The following RCC2 variants were observed in gnomAD, a reference collection of about 807,000 sequenced individuals.
The protein encoded by RCC2 is protein RCC2.
RCC2 carries 19 observed loss-of-function variants against 64.1 expected under a neutral mutation model. That is an observed-to-expected ratio of 0.30 (90% CI 0.21 to 0.44). The LOEUF is 0.44. Among genes scored for constraint, RCC2 ranks in the 20% least tolerant of loss-of-function variants. The probability of loss-of-function intolerance (pLI) is 1.00; values close to 1 mark genes in which losing one functional copy is unlikely to be tolerated. For missense variants in RCC2, 508 were observed against 710.4 expected (o/e 0.72, Z 3.24); for synonymous variants, 325 against 279.6 (o/e 1.16, Z -1.62).
rs749545470 is a variant in RCC2 at position 17,438,482 on chromosome 1, C to T, written c.33G>A (p.Trp11Ter). The T allele has an allele frequency of 7.4e-7, 1 of 1,342,646 alleles. No individual in the cohort carries two copies. Among genetic ancestry groups the T allele is most frequent in the Non-Finnish European group, 9.5e-7 (1 of 1,050,502 alleles). The allele number at this position is 1,342,646 out of a possible 1,614,324, so 83.2% of individuals were successfully genotyped here. A position where few individuals can be genotyped will look rare whatever the true frequency, so the allele number is the denominator to read the frequency against. ...TGCCGTTGCCCGAGCTCGGCTCCTC[C>T]CAGGCCGCCGCCGCCGCCTTCTTCC... MPRKKAAAAA[W>*]EEPSSGNGTA... Residue 11 changes from tryptophan (W) to a stop codon, truncating the protein, a stop_gained, in exon 2 of 13, where the codon TGG becomes TGA. Coordinates refer to ENST00000375436, the MANE Select transcript of RCC2 (RefSeq NM_018715.4). LOFTEE classifies it high-confidence loss of function.
At chr1:17,415,537 C>T (rs2075473381) in intron 8 of RCC2, among the ~76,000 whole-genome samples, 2 of 151,088 alleles carry the variant, frequency 1.3e-5, no homozygotes, top group Admixed American at 1.3e-4. Flanking sequence ...ATGGTGAAAC[C>T]CCATCTCTAC....
At chr1:17,437,552 C>T (rs2075747832) in intron 2 of RCC2, among the ~76,000 whole-genome samples, 1 of 152,110 alleles carries the variant, frequency 6.6e-6, no homozygotes, top group Non-Finnish European at 1.5e-5. Flanking sequence ...TGCTTCTTCA[C>T]TTGGGGGGGC....
intron 6 of RCC2, among the ~76,000 whole-genome samples, 182 bp downstream of exon 6, chr1:17,422,021 G>A (rs1343706200): frequency 4.0e-5 from 6 of 151,558 alleles, no homozygotes; most frequent in Non-Finnish European, 7.4e-5. Flanking sequence ...GTGAAACTCC[G>A]TTCTCAAAAA....
At chr1:17,422,604 A>T in intron 5 of RCC2, 101 bp downstream of exon 5, 1 of 1,459,548 alleles carries the variant, frequency 6.9e-7, no homozygotes, top group Non-Finnish European at 9.4e-7. Flanking sequence ...ATCCTGACCA[A>T]GAGTCACAAG....
In RCC2 at chr1:17,438,955, C is replaced by T. The variant is rs1356060877; in HGVS notation, c.-8-433G>A. Among the ~76,000 whole-genome samples the T allele has an allele frequency of 3.3e-5, 5 of 152,332 alleles. No homozygotes were observed. In the East Asian group the frequency reaches 9.7e-4, roughly 29 times the overall value. ...GGGTGGTAAGGGAGCCCCTGCTCCC[C>T]GGCTACCCCACCTGCTGCTTTTGTC... On this transcript the variant is annotated intron_variant, in intron 1 of 12. Transcript: ENST00000375436.
intron 8 of RCC2, among the ~76,000 whole-genome samples, chr1:17,414,896 A>G (rs1055815010): frequency 2.6e-5 from 4 of 152,184 alleles, no homozygotes; most frequent in African/African-American, 9.6e-5. Context: ...CTCTGATTAC[A>G]AACATGAACC....
At chr1:17,411,841 C>T (rs565006727) in intron 11 of RCC2, among the ~76,000 whole-genome samples, 2 of 152,306 alleles carry the variant, frequency 1.3e-5, no homozygotes, top group South Asian at 2.1e-4. Flanking sequence ...CCTACCATAA[C>T]CCAACTGTGG....
intron 7 of RCC2, among the ~76,000 whole-genome samples, chr1:17,418,811 C>T (rs1217127965): frequency 6.6e-6 from 1 of 152,204 alleles, no homozygotes; most frequent in Non-Finnish European, 1.5e-5. Context: ...TGCACTCTTC[C>T]GGACAAGGTT....
chr1:17,429,130 G>A lies in RCC2; in HGVS notation c.355C>T (p.Arg119Ter). The change falls in exon 3 of 13, where the codon CGA becomes TGA. Residue 119 changes from arginine to a stop codon, truncating the protein, a stop_gained. Coordinates refer to ENST00000375436, the MANE Select transcript of RCC2 (RefSeq NM_018715.4). LOFTEE classifies it high-confidence loss of function. ...FGATNWDLIG[R>*]KEVPKQQAAY... ...CCTTGCTGTTTAGGCACTTCTTTTCGACCAATCAAGTCCCAGTTGGTTGCC... is the reference window on the plus strand; with the variant it reads ...CCTTGCTGTTTAGGCACTTCTTTTCAACCAATCAAGTCCCAGTTGGTTGCC... The A allele has an allele frequency of 6.2e-7, 1 of 1,614,012 alleles. No homozygotes were observed. Among genetic ancestry groups the A allele is most frequent in the Non-Finnish European group, 8.5e-7 (1 of 1,179,948 alleles).
At chr1:17,424,114 G>A (rs1427694906) in intron 4 of RCC2, among the ~76,000 whole-genome samples, 1 of 152,210 alleles carries the variant, frequency 6.6e-6, no homozygotes, top group African/African-American at 2.4e-5. Context: ...AGGACAGGGT[G>A]AGCGGGCCAC....
Position 17,438,191 on chromosome 1 carries a change from C to T in RCC2, c.285+39G>A, listed in dbSNP as rs760365543. The T allele has an allele frequency of 8.6e-6, 10 of 1,168,094 alleles. No homozygotes were observed. In the East Asian group the frequency reaches 2.9e-4, roughly 34 times the overall value. 72.4% of individuals were successfully genotyped at this position (1,168,094 alleles called of 1,614,324 possible). Reference sequence around the variant, plus strand: ...GCCGCGTCGCTGAGCCCGCCGGCCCCGGCCCTGCGCCCACCCGTCTACCCT... The same window carrying T: ...GCCGCGTCGCTGAGCCCGCCGGCCCTGGCCCTGCGCCCACCCGTCTACCCT... On this transcript the variant is annotated intron_variant, in intron 2 of 12. Coordinates refer to ENST00000375436, the MANE Select transcript of RCC2 (RefSeq NM_018715.4).
At chr1:17,423,507 G>T (rs2075579217) in intron 4 of RCC2, among the ~76,000 whole-genome samples, 1 of 152,224 alleles carries the variant, frequency 6.6e-6, no homozygotes, top group South Asian at 2.1e-4. Flanking sequence ...CTGTATCTGT[G>T]AATTCCAGCG....
intron 7 of RCC2, among the ~76,000 whole-genome samples, chr1:17,417,231 G>A (rs1450485626): frequency 6.6e-6 from 1 of 152,222 alleles, no homozygotes; most frequent in Non-Finnish European, 1.5e-5. Flanking sequence ...GGTTCGCAAA[G>A]ACCCAGCTCA....
intron 10 of RCC2, 142 bp from the exon 11 acceptor site, chr1:17,412,336 C>T (rs1346602139): frequency 1.5e-6 from 1 of 679,910 alleles, no homozygotes; most frequent in Non-Finnish European, 2.5e-6. Context: ...ACAGGGCCAA[C>T]AGGTTTCTCC....
chr1:17,413,251 G>A, intron 9 of RCC2, 73 bp from the exon 10 acceptor site: 2 of 1,108,914 alleles, frequency 1.8e-6, no homozygotes, highest in East Asian at 5.0e-5. Context: ...GTATTATCAG[G>A]GTGAAAAGAG....
At chr1:17,430,878 A>G (rs888172774) in intron 2 of RCC2, among the ~76,000 whole-genome samples, 4 of 151,872 alleles carry the variant, frequency 2.6e-5, no homozygotes, top group Non-Finnish European at 4.4e-5. Context: ...ACAGACACTC[A>G]GCTAATTTTG....
rs1246817189 is a variant in RCC2, at chr1:17,438,402, C to G, written c.113G>C (p.Arg38Pro). Residue 38 changes from arginine to proline, a missense_variant, in exon 2 of 13, where the codon CGG becomes CCG. Physicochemically the swap from Arg to Pro is moderately radical, Grantham distance 103 (BLOSUM62 -2). Around this residue, in one of 4 missense-constraint regions of RCC2, gnomAD observed 195 missense variants for 158.3 expected, o/e 1.23. Coordinates refer to ENST00000375436, the MANE Select transcript of RCC2 (RefSeq NM_018715.4). The part of the protein sequence containing the change: ...RGGPAGRKRE[R>P]PERCSSSSGG... ...GCTGCTGCTACTGCAGCGCTCGGGC[C>G]GCTCGCGCTTCCTGCCCGCCGGGCC... 1.8e-5 allele frequency: 23 copies of G among 1,264,464 alleles called. No individual in the cohort carries two copies. Among genetic ancestry groups the G allele is most frequent in the African/African-American group, 3.1e-5 (2 of 63,994 alleles). The allele number at this position is 1,264,464 out of a possible 1,614,324, so 78.3% of individuals were successfully genotyped here. A position where few individuals can be genotyped will look rare whatever the true frequency, so the allele number is the denominator to read the frequency against.
Position 17,439,028 on chromosome 1 carries a change from TC to T in RCC2, c.-8-507del, listed in dbSNP as rs1326159237. Among the ~76,000 whole-genome samples, 3 of 149,258 alleles carry T rather than the reference TC, an allele frequency of 2.0e-5. No homozygotes were observed. In the East Asian group the frequency reaches 6.0e-4, roughly 30 times the overall value. On this transcript the variant is annotated intron_variant, in intron 1 of 12. Coordinates refer to ENST00000375436, the MANE Select transcript of RCC2 (RefSeq NM_018715.4). ...ACTCATGGCATTTAATGCAACGCTC[TC>T]CCCCACCCCGCATCAGCCCTGGACC...
chr1:17,438,032 G>A (rs997292863), intron 2 of RCC2, among the ~76,000 whole-genome samples, 198 bp downstream of exon 2: 8 of 145,996 alleles, frequency 5.5e-5, no homozygotes, highest in Non-Finnish European at 1.1e-4. Flanking sequence ...CGGGTAGGCC[G>A]CGGGCCGCGC....
Sources: gnomAD v4.1 joint callset for allele counts (sites outside exome capture counted in the v4.1 genomes callset) on GRCh38, gnomAD v4.1.1 for gene constraint, gnomAD v4.1.1 regional missense constraint, MANE v1.5 for transcripts, NCBI Gene and HGNC (gene_info 2026-07-23, HGNC 2026-07-21) for gene names.